The following HLA-DPA1 variants were observed in gnomAD, a reference collection of about 807,000 sequenced individuals.
The protein encoded by HLA-DPA1 is major histocompatibility complex, class II, DP alpha 1.
Under a neutral mutation model 21.5 loss-of-function variants are expected in HLA-DPA1, and 20 were observed. The ratio of observed to expected loss-of-function variants is 0.93; its 90% CI spans 0.66 to 1.35. The LOEUF (loss-of-function observed/expected upper bound fraction) is 1.35, where lower values mean the gene tolerates loss of function less well. Ranked by LOEUF, HLA-DPA1 falls within the 40% of genes most tolerant of loss-of-function variation. The pLI, the probability that HLA-DPA1 is intolerant of heterozygous loss-of-function variation, is 0.00. For missense variants in HLA-DPA1, 279 were observed against 323.0 expected, an observed-to-expected ratio of 0.86 and a Z score of 1.05; for synonymous variants, 123 against 129.6, an observed-to-expected ratio of 0.95 and a Z score of 0.35.
chr6:33,069,500 G>C, intron 3 of HLA-DPA1, 141 bp downstream of exon 2: 2 of 1,160,952 alleles, frequency 1.7e-6, no homozygotes, highest in Admixed American at 3.9e-5. Flanking sequence ...AGCCCTTGCT[G>C]TAGTGGGATC....
In HLA-DPA1 at chr6:33,080,580, A is replaced by C. The variant is rs749724904; in HGVS notation, c.-100+100T>G. ...TTAAAATCCAGCCCTGGGTGGGAAG[A>C]TTTGGGAAGAATCGTTAATATTGAG... On this transcript the variant is annotated intron_variant, in intron 1 of 5. Coordinates refer to ENST00000419277, the Ensembl canonical transcript of HLA-DPA1. The surrounding 1 kb of genome is among the most constrained non-coding windows in gnomAD (Gnocchi z 4.3). 1.9e-6 allele frequency: 3 copies of C among 1,578,750 alleles called. No individual in the cohort carries two copies. In the South Asian group the frequency reaches 3.3e-5, roughly 18 times the overall value.
intron 1 of HLA-DPA1, chr6:33,079,656 A>G (rs916366440): frequency 2.1e-6 from 1 of 471,590 alleles, no homozygotes; most frequent in African/African-American, 2.0e-5. Context: ...AACAAAAAAA[A>G]CATGCTGCCC....
exon 2 of HLA-DPA1, chr6:33,073,478 G>A: frequency 6.2e-7 from 1 of 1,610,096 alleles, no homozygotes. Flanking sequence ...CACCCTTGAT[G>A]GCCCCAGCTC....
Position 33,069,558 on chromosome 6 carries a change from G to T in HLA-DPA1, c.346+83C>A, listed in dbSNP as rs373305297. On this transcript the variant is annotated intron_variant, in intron 3 of 5. Transcript: ENST00000419277. Reference sequence around the variant, plus strand: ...AGGATCACACAGCAGGGGGCACTTAGGCTTCCTAGTCTGAGGGTGGCAGAG... The same window carrying T: ...AGGATCACACAGCAGGGGGCACTTATGCTTCCTAGTCTGAGGGTGGCAGAG... The T allele has an allele frequency of 9.9e-5, 153 of 1,539,086 alleles. 1 individual carries two copies. Among genetic ancestry groups the T allele is most frequent in the Non-Finnish European group, 1.3e-4 (143 of 1,123,658 alleles).
At chr6:33,069,248 G>A in exon 4 of HLA-DPA1, 1 of 1,612,960 alleles carries the variant, frequency 6.2e-7, no homozygotes, top group Non-Finnish European at 8.5e-7. Flanking sequence ...TGAGGGTGTT[G>A]GGCTGGCCCA....
chr6:33,073,453 G>C lies in HLA-DPA1; in HGVS notation c.100+18C>G, dbSNP rs556035925. The C allele has an allele frequency of 1.2e-4, 186 of 1,555,912 alleles. No homozygotes were observed. Among genetic ancestry groups the C allele is most frequent in the Non-Finnish European group, 1.6e-4 (183 of 1,128,374 alleles). The stretch of plus-strand genomic sequence containing the variant: ...CCATCACTCACCCCGACGCTCCTGC[G>C]TCCTCCTGAGCACTCACCCTTGATG... On this transcript the variant is annotated intron_variant, in intron 2 of 5. Transcript: ENST00000419277.
chr6:33,078,494 T>C (rs1762670846), intron 1 of HLA-DPA1, among the ~76,000 whole-genome samples: 1 of 152,084 alleles, frequency 6.6e-6, no homozygotes, highest in African/African-American at 2.4e-5. Context: ...AGACAACCCA[T>C]AGGGAGCTAG....
At chr6:33,073,634 G>A in exon 2 of HLA-DPA1, 1 of 1,153,464 alleles carries the variant, frequency 8.7e-7, no homozygotes, top group South Asian at 1.2e-5. Context: ...GAGGCCGAGT[G>A]GAGGCAGATG....
chr6:33,075,777 G>A (rs970425782), intron 1 of HLA-DPA1: 1 of 473,016 alleles, frequency 2.1e-6, no homozygotes, highest in Non-Finnish European at 3.7e-6. Context: ...TGGTTAAAAT[G>A]AGTATCACTG....
chr6:33,078,049 G>A (rs1356763022), intron 1 of HLA-DPA1, among the ~76,000 whole-genome samples: 1 of 152,078 alleles, frequency 6.6e-6, no homozygotes, highest in African/African-American at 2.4e-5. Context: ...AGGAGGAAGT[G>A]ACGGATGCAG....
At chr6:33,067,080 T>A (rs1761993149) in intron 5 of HLA-DPA1, 2 of 152,188 alleles carry the variant, frequency 1.3e-5, no homozygotes, top group African/African-American at 4.8e-5. Context: ...ATTCCAGGGA[T>A]GCAGGTCAGG....
chr6:33,073,656 G>A lies in HLA-DPA1; in HGVS notation c.-86C>T. Reference sequence around the variant, plus strand: ...AGTGGAGGCAGATGAGACTGAAACTGTGGGCCTCTAGCACTGGAAATGGGT... The same window carrying A: ...AGTGGAGGCAGATGAGACTGAAACTATGGGCCTCTAGCACTGGAAATGGGT... On this transcript the variant is annotated 5_prime_UTR_variant, in exon 2 of 6. Transcript: ENST00000419277. 1.1e-6 allele frequency: 1 copy of A among 902,264 alleles called. No individual in the cohort carries two copies. Among genetic ancestry groups the A allele is most frequent in the Non-Finnish European group, 1.8e-6 (1 of 545,492 alleles). 55.9% of individuals were successfully genotyped at this position (902,264 alleles called of 1,614,324 possible).
intron 2 of HLA-DPA1, among the ~76,000 whole-genome samples, chr6:33,072,225 C>A (rs1326884689): frequency 6.6e-6 from 1 of 152,176 alleles, no homozygotes; most frequent in Non-Finnish European, 1.5e-5. Flanking sequence ...TGTAGAGGTT[C>A]CTGATGGCCA....
At chr6:33,072,071 G>A (rs35769133) in intron 2 of HLA-DPA1, among the ~76,000 whole-genome samples, 43,735 of 151,702 alleles carry the variant, frequency 0.29, 8,334 homozygotes, top group East Asian at 0.69. Context: ...TTAAGAGGTG[G>A]TTTAAAAGAT....
exon 6 of HLA-DPA1, chr6:33,064,977 C>G (rs1341498955): frequency 6.6e-6 from 1 of 152,092 alleles, no homozygotes; most frequent in Non-Finnish European, 1.5e-5. Context: ...TGACCTGGTC[C>G]TAGACTTCCA....
At chr6:33,075,938 T>C in intron 1 of HLA-DPA1, 1 of 795,530 alleles carries the variant, frequency 1.3e-6, no homozygotes, top group Non-Finnish European at 2.1e-6. Flanking sequence ...CACAGAAGAC[T>C]ACTTGGGTTC....
At chr6:33,068,830 T>C (rs1330928833) in intron 4 of HLA-DPA1, 26 bp from the exon 4 acceptor site, 3 of 1,610,330 alleles carry the variant, frequency 1.9e-6, no homozygotes, top group Non-Finnish European at 2.5e-6. Context: ...AGAGATAGGG[T>C]CAGGAGGTGC....
intron 1 of HLA-DPA1, among the ~76,000 whole-genome samples, chr6:33,075,570 C>T (rs928812553): frequency 2.0e-5 from 3 of 152,186 alleles, no homozygotes; most frequent in African/African-American, 7.2e-5. Flanking sequence ...ACTCTAATCC[C>T]TCTAAGTCAT....
intron 3 of HLA-DPA1, 107 bp from the exon 3 acceptor site, chr6:33,069,407 G>A: frequency 8.3e-7 from 1 of 1,199,542 alleles, no homozygotes. Flanking sequence ...TTTTATGGCA[G>A]CTCTGAATCA....
Sources: allele counts gnomAD v4.1 joint callset (sites outside exome capture counted in the v4.1 genomes callset), GRCh38; gene constraint gnomAD v4.1.1; non-coding constraint Gnocchi (gnomAD v3.1); transcripts MANE v1.5; gene names NCBI Gene and HGNC (gene_info 2026-07-23, HGNC 2026-07-21).